Variants in PDE4D observed in about 807,000 individuals in gnomAD.
The protein encoded by PDE4D is phosphodiesterase 4D, also known as 3',5'-cyclic-AMP phosphodiesterase 4D.
A neutral mutation model predicts 87.4 loss-of-function variants in PDE4D; 24 were observed. The observed-to-expected ratio is 0.27, with a 90% CI of 0.20 to 0.39. The LOEUF is 0.39. PDE4D is among the 10% of genes least tolerant of loss of function. PDE4D has a pLI of 1.00. For synonymous variants in PDE4D, 384 were observed against 383.2 expected (o/e 1.00, Z -0.02); for missense variants, 714 against 1,041.0 (o/e 0.69, Z 4.32).
chr5:59,813,146 C>A (rs146071501), intron 1 of PDE4D, among the ~76,000 whole-genome samples: 369 of 152,290 alleles, frequency 2.4e-3, no homozygotes, highest in South Asian at 3.7e-3. Context: ...TGCTTACTTG[C>A]TGTTCTGGTT....
At chr5:59,999,487 AAAGAACACACAC>A (rs1419610378) in intron 2 of PDE4D, among the ~76,000 whole-genome samples, 1 of 150,824 alleles carries the variant, frequency 6.6e-6, no homozygotes, top group Non-Finnish European at 1.5e-5. Flanking sequence ...TCTAACTGGG[AAAGAACACACAC>A]AAATTCAAAG....
chr5:60,153,913 C>A (rs913638867), intron 2 of PDE4D, among the ~76,000 whole-genome samples: 2 of 152,024 alleles, frequency 1.3e-5, no homozygotes, highest in African/African-American at 4.8e-5. Flanking sequence ...TTATGTAAGA[C>A]GAATAAGTCC....
At chr5:59,942,235 C>G (rs1467379461) in intron 3 of PDE4D, among the ~76,000 whole-genome samples, 5 of 152,156 alleles carry the variant, frequency 3.3e-5, no homozygotes, top group African/African-American at 1.2e-4. Context: ...TTTGTTTGAT[C>G]ATAGTTTTCA....
At chr5:60,516,696 G>A (rs1227793719) in intron 1 of PDE4D, among the ~76,000 whole-genome samples, 4 of 152,232 alleles carry the variant, frequency 2.6e-5, no homozygotes, top group Non-Finnish European at 4.4e-5. Context: ...TATTTATTGA[G>A]CTTCTATGTT....
intron 2 of PDE4D, among the ~76,000 whole-genome samples, chr5:60,063,225 C>T (rs1413707046): frequency 6.6e-6 from 1 of 151,268 alleles, no homozygotes; most frequent in African/African-American, 2.4e-5. Context: ...AAAGGAAGAA[C>T]CTCAATACAG....
chr5:59,171,917 A>C lies in PDE4D; in HGVS notation c.808+8678T>G, dbSNP rs1335528425. Among the ~76,000 whole-genome samples, 5 of 118,736 alleles carry C rather than the reference A, an allele frequency of 4.2e-5. No individual in the cohort carries two copies. The Admixed American group carries it at 5.4e-4, about 13-fold the overall frequency. The allele number at this position is 118,736 out of a possible 152,430, so 77.9% of individuals were successfully genotyped here. On this transcript the variant is annotated intron_variant, in intron 5 of 14. Coordinates refer to ENST00000340635, the MANE Select transcript of PDE4D (RefSeq NM_001104631.2). The stretch of plus-strand genomic sequence containing the variant: ...TAATAAGCATATATATGAGAAATAC[A>C]TTATATAATAAATATTATATTTATT...
intron 1 of PDE4D, among the ~76,000 whole-genome samples, chr5:60,351,149 A>G (rs116360799): frequency 9.0e-4 from 137 of 152,300 alleles, no homozygotes; most frequent in African/African-American, 3.1e-3. Flanking sequence ...GTGGCCCTAG[A>G]AAAGAAAGCC....
intron 1 of PDE4D, among the ~76,000 whole-genome samples, chr5:60,377,192 T>A (rs1761500668): frequency 6.6e-6 from 1 of 152,198 alleles, no homozygotes; most frequent in Non-Finnish European, 1.5e-5. Flanking sequence ...CCTATTTCTG[T>A]ATTCCCCATT....
intron 1 of PDE4D, among the ~76,000 whole-genome samples, chr5:60,411,734 G>A (rs144114595): frequency 5.3e-5 from 8 of 152,226 alleles, no homozygotes; most frequent in East Asian, 1.9e-4. Flanking sequence ...GAAGGAAAAC[G>A]TGAGTGAAAT....
chr5:60,016,160 G>A lies in PDE4D; in HGVS notation c.43-27443C>T, dbSNP rs544673267. Reference sequence around the variant, plus strand: ...GCAATAAAGCAAATATTGTAATACAGTAACTCACATGAATTTTTTTGTTTC... The same window carrying A: ...GCAATAAAGCAAATATTGTAATACAATAACTCACATGAATTTTTTTGTTTC... On this transcript the variant is annotated intron_variant, in intron 2 of 16. Coordinates refer to the PDE4D transcript ENST00000502484. 1.1e-4 allele frequency among the ~76,000 whole-genome samples: 16 copies of A among 151,930 alleles called. No individual in the cohort carries two copies. The South Asian group carries it at 3.3e-3, about 32-fold the overall frequency.
At chr5:60,394,558 T>C (rs1000628669) in intron 1 of PDE4D, among the ~76,000 whole-genome samples, 2 of 152,202 alleles carry the variant, frequency 1.3e-5, no homozygotes, top group Non-Finnish European at 2.9e-5. Context: ...TAATATAACA[T>C]TTTATTTACT....
At chr5:59,890,812 C>T (rs1176306046) in intron 1 of PDE4D, among the ~76,000 whole-genome samples, 1 of 152,210 alleles carries the variant, frequency 6.6e-6, no homozygotes, top group Non-Finnish European at 1.5e-5. Flanking sequence ...CATCTCATCT[C>T]AGTGTTGTTG....
At chr5:60,315,159 C>A (rs1266886830) in intron 1 of PDE4D, among the ~76,000 whole-genome samples, 7 of 152,172 alleles carry the variant, frequency 4.6e-5, no homozygotes, top group African/African-American at 1.7e-4. Flanking sequence ...TGTTTCCTGA[C>A]TTTTTCATGA....
intron 1 of PDE4D, among the ~76,000 whole-genome samples, chr5:59,754,848 A>G (rs1377170461): frequency 1.5e-5 from 2 of 133,286 alleles, no homozygotes; most frequent in Non-Finnish European, 3.1e-5. Flanking sequence ...CTACCAGGTA[A>G]GAACTTAATA....
rs1039466269 is a variant in PDE4D at position 59,914,802 on chromosome 5, C to T, written c.272+73686G>A. On this transcript the variant is annotated intron_variant, in intron 3 of 16. Transcript: ENST00000502484. ...AAGAAAGATAACTGGCTTGGCCCGG[C>T]GTGGAAGAAGTAGGTAGGAGAAGGG... Among the ~76,000 whole-genome samples, 7 of 142,532 alleles carry T rather than the reference C, an allele frequency of 4.9e-5. No individual in the cohort carries two copies. In the South Asian group the frequency reaches 6.8e-4, roughly 14 times the overall value. The allele number at this position is 142,532 out of a possible 152,430, so 93.5% of individuals were successfully genotyped here.
At position 60,243,044 on chromosome 5, in the gene PDE4D, T is replaced by G. The variant is rs549741616; in HGVS notation, c.-89-57357A>C. Among the ~76,000 whole-genome samples the G allele has an allele frequency of 1.4e-3, 209 of 151,946 alleles. 2 individuals carry two copies. Among genetic ancestry groups the G allele is most frequent in the African/African-American group, 4.8e-3 (199 of 41,536 alleles). ...AATACAAAAGATCCATTAAAAAGTT[T>G]GCTTCTTGAAAAGACAAAATAGATT... On this transcript the variant is annotated intron_variant, in intron 1 of 16. Transcript: ENST00000502484.
chr5:58,984,905 GATTTATTT>G (rs756971783), intron 11 of PDE4D, among the ~76,000 whole-genome samples: 40 of 151,846 alleles, frequency 2.6e-4, no homozygotes, highest in African/African-American at 9.7e-4. Context: ...ACATTTTATG[GATTTATTT>G]ATTTATTTAT....
chr5:60,367,601 A>T (rs77913211), intron 1 of PDE4D, among the ~76,000 whole-genome samples: 1,810 of 152,148 alleles, frequency 0.012, 40 homozygotes, highest in African/African-American at 0.041. Context: ...ACTAATCTGA[A>T]ATTTCTCCTG....
At chr5:59,593,869 C>G (rs756306304) in intron 1 of PDE4D, among the ~76,000 whole-genome samples, 2 of 152,148 alleles carry the variant, frequency 1.3e-5, no homozygotes, top group Non-Finnish European at 2.9e-5. Flanking sequence ...CAAGTTCTCA[C>G]AGTAAATATT....
Sources: gnomAD v4.1 joint callset for allele counts (sites outside exome capture counted in the v4.1 genomes callset) on GRCh38, gnomAD v4.1.1 for gene constraint, MANE v1.5 for transcripts, NCBI Gene and HGNC (gene_info 2026-07-23, HGNC 2026-07-21) for gene names.